KALRN: variants seen among roughly 807,000 people sequenced by gnomAD.
KALRN encodes the protein kalirin RhoGEF kinase.
KALRN carries 70 observed loss-of-function variants against 353.7 expected under a neutral mutation model. The ratio of observed to expected loss-of-function variants is 0.20; its 90% CI spans 0.16 to 0.24. KALRN has a LOEUF of 0.24. KALRN is among the 10% of genes least tolerant of loss of function. KALRN has a pLI of 1.00. For missense variants in KALRN, 2,791 were observed against 3,756.7 expected (o/e 0.74, Z 6.72); for synonymous variants, 1,391 against 1,434.8 (o/e 0.97, Z 0.69).
At chr3:124,359,825 C>G (rs1469299683) in intron 10 of KALRN, among the ~76,000 whole-genome samples, 1 of 152,210 alleles carries the variant, frequency 6.6e-6, no homozygotes, top group Non-Finnish European at 1.5e-5. Flanking sequence ...CCCTTCCAGG[C>G]AACGCTGTTA....
intron 1 of KALRN, among the ~76,000 whole-genome samples, chr3:124,158,859 A>G (rs1473542021): frequency 1.3e-5 from 2 of 152,112 alleles, no homozygotes; most frequent in Non-Finnish European, 2.9e-5. Flanking sequence ...CTTCCTTGCC[A>G]TCCCCCTACT....
In KALRN at chr3:124,355,689, C is replaced by G. The variant is rs925401708; in HGVS notation, c.1770+8424C>G. Reference sequence around the variant, plus strand: ...GCAACCTTTTTTCCTTAGGATTAAACACCCTCAACTCTCTCCCATCTTTTT... The same window carrying G: ...GCAACCTTTTTTCCTTAGGATTAAAGACCCTCAACTCTCTCCCATCTTTTT... On this transcript the variant is annotated intron_variant, in intron 10 of 59. Coordinates refer to ENST00000682506, the MANE Select transcript of KALRN (RefSeq NM_001388419.1). 2.7e-5 allele frequency among the ~76,000 whole-genome samples: 4 copies of G among 145,498 alleles called. No homozygotes were observed. The Admixed American group carries it at 2.8e-4, about 10-fold the overall frequency.
At chr3:124,217,570 G>C (rs1345119298) in intron 1 of KALRN, among the ~76,000 whole-genome samples, 1 of 152,154 alleles carries the variant, frequency 6.6e-6, no homozygotes, top group Non-Finnish European at 1.5e-5. Flanking sequence ...CTCTCTGTAT[G>C]TATATCCCTC....
At chr3:124,168,176 A>T in intron 1 of KALRN, among the ~76,000 whole-genome samples, 1 of 152,204 alleles carries the variant, frequency 6.6e-6, no homozygotes, top group East Asian at 1.9e-4. Context: ...TCACCTCAAG[A>T]ATTACAGTGA....
intron 9 of KALRN, among the ~76,000 whole-genome samples, chr3:124,339,056 T>C (rs1177274826): frequency 1.3e-5 from 2 of 152,182 alleles, no homozygotes; most frequent in African/African-American, 4.8e-5. Flanking sequence ...AGCCTATAAT[T>C]TAAAAAGAAC....
intron 1 of KALRN, among the ~76,000 whole-genome samples, chr3:124,194,414 G>T (rs2075234993): frequency 1.3e-5 from 2 of 151,958 alleles, no homozygotes; most frequent in Non-Finnish European, 1.5e-5. Flanking sequence ...TACTAGTTCT[G>T]TGATGATAGA....
At chr3:124,562,527 G>A (rs909590057) in intron 33 of KALRN, among the ~76,000 whole-genome samples, 1 of 152,164 alleles carries the variant, frequency 6.6e-6, no homozygotes, top group African/African-American at 2.4e-5. Flanking sequence ...GAGCTCTAAC[G>A]AAGTAAGAGG....
chr3:124,600,481 A>G (rs1513289), intron 34 of KALRN, among the ~76,000 whole-genome samples: 37,174 of 152,182 alleles, frequency 0.24, 4,729 homozygotes, highest in East Asian at 0.33. Context: ...GGCAGTGGCT[A>G]TAATTCTGGT....
At chr3:124,490,568 GA>G (rs528148391) in intron 29 of KALRN, 125 bp from the exon 30 acceptor site, 4 of 796,298 alleles carry the variant, frequency 5.0e-6, no homozygotes, top group Admixed American at 2.9e-5. Flanking sequence ...TTAGCAGAGA[GA>G]AAAAAACCCT....
intron 57 of KALRN, among the ~76,000 whole-genome samples, chr3:124,703,359 C>A (rs2150705484): frequency 6.6e-6 from 1 of 152,210 alleles, no homozygotes; most frequent in African/African-American, 2.4e-5. Context: ...ATCTCAGTAT[C>A]TATAGTATTC....
intron 28 of KALRN, among the ~76,000 whole-genome samples, chr3:124,485,082 T>A (rs1314164426): frequency 6.6e-6 from 1 of 152,152 alleles, no homozygotes; most frequent in East Asian, 1.9e-4. Flanking sequence ...GGCAACAGGG[T>A]GAGACTCCGT....
Position 124,719,929 on chromosome 3 carries a change from A to G in KALRN, c.*459A>G, listed in dbSNP as rs929053044. ...AACTTAGATATAGTTTCTTAATAGGATAGATACCCACATACAGTATAATAT... is the reference window on the plus strand; with the variant it reads ...AACTTAGATATAGTTTCTTAATAGGGTAGATACCCACATACAGTATAATAT... On this transcript the variant is annotated 3_prime_UTR_variant, in exon 60 of 60. Transcript: ENST00000682506. The surrounding 1 kb of genome is among the most constrained non-coding windows in gnomAD (Gnocchi z 5.3). The G allele has an allele frequency of 1.2e-5, 2 of 167,242 alleles. No homozygotes were observed. Among genetic ancestry groups the G allele is most frequent in the African/African-American group, 4.8e-5 (2 of 41,714 alleles). 10.4% of individuals were successfully genotyped at this position (167,242 alleles called of 1,614,324 possible).
At chr3:124,680,806 T>G (rs1021166432) in intron 51 of KALRN, among the ~76,000 whole-genome samples, 1 of 152,166 alleles carries the variant, frequency 6.6e-6, no homozygotes, top group Non-Finnish European at 1.5e-5. Flanking sequence ...CTAAATCTGG[T>G]AGGTGTGGCT....
chr3:124,040,087 A>G (rs2039817707), intron 1 of KALRN, among the ~76,000 whole-genome samples: 1 of 152,220 alleles, frequency 6.6e-6, no homozygotes, highest in Non-Finnish European at 1.5e-5. Flanking sequence ...TTGTGCCACA[A>G]ATCACCAATA....
intron 10 of KALRN, among the ~76,000 whole-genome samples, chr3:124,380,513 A>G (rs2087202214): frequency 6.6e-6 from 1 of 152,204 alleles, no homozygotes; most frequent in South Asian, 2.1e-4. Context: ...CCAACAGCTG[A>G]GGGATCTATA....
At chr3:124,409,423 T>C (rs1029976180) in intron 13 of KALRN, among the ~76,000 whole-genome samples, 6 of 152,212 alleles carry the variant, frequency 3.9e-5, no homozygotes, top group Admixed American at 1.3e-4. Context: ...TGTTATTAGA[T>C]AAGCCAGAGA....
chr3:124,236,144 TG>T lies in KALRN; in HGVS notation c.263+1202del, dbSNP rs59051682. 0.04 allele frequency among the ~76,000 whole-genome samples: 5,994 copies of T among 151,670 alleles called. 717 individuals are homozygous for T. In the East Asian group the frequency reaches 0.46, roughly 12 times the overall value. ...GAACAAGTAGATGCTGAATAGTGTC[TG>T]TTTTTTTTTTTCTTTATGATATCCA... On this transcript the variant is annotated intron_variant, in intron 3 of 59. Coordinates refer to ENST00000682506, the MANE Select transcript of KALRN (RefSeq NM_001388419.1).
chr3:124,234,899 G>A lies in KALRN; in HGVS notation c.219G>A (p.Gln73=), dbSNP rs1055698454. 2 of 1,608,862 alleles carry A rather than the reference G, an allele frequency of 1.2e-6. No individual in the cohort carries two copies. Among genetic ancestry groups the A allele is most frequent in the East Asian group, 4.5e-5 (2 of 44,650 alleles). The change falls in exon 3 of 60, where the codon CAG becomes CAA. Residue 73 remains glutamine, a synonymous_variant. Transcript: ENST00000682506. The part of the protein sequence containing the change: ...PARSNHDRIR[Q]EDLRKLVTYL... ...GCAGCAATCATGACAGAATAAGACA[G>A]GAAGACCTGCGGAAACTCGTGACGT...
chr3:124,039,661 T>A (rs536111084), intron 1 of KALRN, among the ~76,000 whole-genome samples: 1 of 152,254 alleles, frequency 6.6e-6, no homozygotes, highest in South Asian at 2.1e-4. Flanking sequence ...TAACAATCTA[T>A]GTTGGTATGC....
Sources: gnomAD v4.1 joint callset for allele counts (sites outside exome capture counted in the v4.1 genomes callset) on GRCh38, gnomAD v4.1.1 for gene constraint, Gnocchi (gnomAD v3.1) non-coding constraint, MANE v1.5 for transcripts, NCBI Gene and HGNC (gene_info 2026-07-23, HGNC 2026-07-21) for gene names.